The following ADAM18 variants were observed in gnomAD, a reference collection of about 807,000 sequenced individuals.
ADAM18 encodes disintegrin and metalloproteinase domain-containing protein 18.
ADAM18 carries 117 observed loss-of-function variants against 94.4 expected under a neutral mutation model. That is an observed-to-expected ratio of 1.24 (90% CI 1.07 to 1.45). ADAM18 has a LOEUF of 1.45. ADAM18 is among the 40% of genes most tolerant of loss of function. The pLI is 0.00. For synonymous variants in ADAM18, 327 were observed against 291.6 expected, an observed-to-expected ratio of 1.12 and a Z score of -1.24; for missense variants, 936 against 880.0, an observed-to-expected ratio of 1.06 and a Z score of -0.81.
At chr8:39,682,982 T>C (rs1238962374) in intron 16 of ADAM18, among the ~76,000 whole-genome samples, 2 of 152,194 alleles carry the variant, frequency 1.3e-5, no homozygotes, top group African/African-American at 4.8e-5. Context: ...TCACTCCCTT[T>C]ATAATACACA....
chr8:39,706,969 A>G, intron 18 of ADAM18, 65 bp downstream of exon 18: 2 of 886,042 alleles, frequency 2.3e-6, no homozygotes, highest in Non-Finnish European at 3.6e-6. Context: ...AATTAAACAA[A>G]TCTAAGTCAT....
At chr8:39,625,047 A>C (rs1399961818) in intron 6 of ADAM18, among the ~76,000 whole-genome samples, 1 of 152,190 alleles carries the variant, frequency 6.6e-6, no homozygotes, top group African/African-American at 2.4e-5. Context: ...TTCCATGTGA[A>C]TTTTAGGATT....
chr8:39,690,151 A>C (rs1300348967), intron 16 of ADAM18, among the ~76,000 whole-genome samples: 1 of 152,154 alleles, frequency 6.6e-6, no homozygotes, highest in Non-Finnish European at 1.5e-5. Context: ...GTTGGGCTGG[A>C]GTTGCCAAAG....
intron 2 of ADAM18, among the ~76,000 whole-genome samples, chr8:39,586,055 CTGAAAATGTTTCAGGT>C (rs1818384132): frequency 6.6e-6 from 1 of 152,090 alleles, no homozygotes; most frequent in Non-Finnish European, 1.5e-5. Context: ...TATGTCAACT[CTGAAAATGTTTCAGGT>C]TGAAAGAGTG....
At position 39,629,375 on chromosome 8, in the gene ADAM18, T is replaced by TA. The variant is rs748437644; in HGVS notation, c.530dup (p.Asn177LysfsTer22). ...AATCCCGTTGTTGTTGTTTTCCAGA[T>TA]AAAAAATCTTTCAAAACTATTACCC... On this transcript the variant is annotated frameshift_variant and splice_region_variant, in exon 7 of 20. Transcript: ENST00000265707. LOFTEE classifies it high-confidence loss of function. 84 of 1,564,200 alleles carry TA rather than the reference T, an allele frequency of 5.4e-5. No individual in the cohort carries two copies. Among genetic ancestry groups the TA allele is most frequent in the East Asian group, 3.5e-4 (15 of 43,354 alleles).
chr8:39,657,512 T>G (rs1820721524), intron 12 of ADAM18, among the ~76,000 whole-genome samples: 1 of 152,086 alleles, frequency 6.6e-6, no homozygotes, highest in Non-Finnish European at 1.5e-5. Flanking sequence ...GATGAGATTT[T>G]GCTATGTTGC....
chr8:39,720,958 T>G (rs1430637597), intron 18 of ADAM18, among the ~76,000 whole-genome samples: 1 of 151,372 alleles, frequency 6.6e-6, no homozygotes, highest in African/African-American at 2.4e-5. Flanking sequence ...TACCCCAAAT[T>G]TCAAACTACC....
At position 39,660,850 on chromosome 8, in the gene ADAM18, T is replaced by C. The variant is rs991776375; in HGVS notation, c.1231-2945T>C. Among the ~76,000 whole-genome samples the C allele has an allele frequency of 3.9e-5, 6 of 152,212 alleles. No individual in the cohort carries two copies. In the East Asian group the frequency reaches 1.2e-3, roughly 29 times the overall value. On this transcript the variant is annotated intron_variant, in intron 12 of 19. Transcript: ENST00000265707. ...TATAATCTGTGCAATATTAATGCAATATTGTGCAGAAACAGAGTTAACGTA... is the reference window on the plus strand; with the variant it reads ...TATAATCTGTGCAATATTAATGCAACATTGTGCAGAAACAGAGTTAACGTA...
intron 12 of ADAM18, among the ~76,000 whole-genome samples, chr8:39,653,364 A>G (rs1585942843): frequency 6.6e-6 from 1 of 152,196 alleles, no homozygotes; most frequent in South Asian, 2.1e-4. Context: ...AAAGATCTAT[A>G]CAGATATTAA....
At chr8:39,677,307 T>C (rs556971625) in intron 14 of ADAM18, 124 bp from the exon 15 acceptor site, 32 of 742,200 alleles carry the variant, frequency 4.3e-5, no homozygotes, top group Admixed American at 1.0e-4. Flanking sequence ...AGGGTATGCA[T>C]AGAAACAAAA....
chr8:39,703,162 G>A (rs1425252239), intron 17 of ADAM18, among the ~76,000 whole-genome samples: 2 of 152,126 alleles, frequency 1.3e-5, no homozygotes, highest in African/African-American at 2.4e-5. Context: ...ATTTCTTTGA[G>A]CAATGTTTTG....
At chr8:39,669,127 A>T (rs886075229) in intron 14 of ADAM18, among the ~76,000 whole-genome samples, 15 of 151,880 alleles carry the variant, frequency 9.9e-5, no homozygotes, top group African/African-American at 3.6e-4. Context: ...CAGGGTTTAA[A>T]ATATCTCTTA....
At chr8:39,677,389 A>T (rs1343126184) in intron 14 of ADAM18, 42 bp from the exon 15 acceptor site, 1 of 1,455,906 alleles carries the variant, frequency 6.9e-7, no homozygotes. Flanking sequence ...CATTTAACTC[A>T]TATTAAGAAT....
chr8:39,687,392 T>A (rs1187666834), intron 16 of ADAM18, among the ~76,000 whole-genome samples: 2 of 152,168 alleles, frequency 1.3e-5, no homozygotes, highest in South Asian at 2.1e-4. Flanking sequence ...AACTTAAGAG[T>A]TCATCAATTG....
Position 39,609,485 on chromosome 8 carries a change from A to G in ADAM18, c.268A>G (p.Met90Val). The G allele has an allele frequency of 6.2e-7, 1 of 1,609,064 alleles. No individual in the cohort carries two copies. Residue 90 changes from methionine to valine, a missense_variant and splice_region_variant, in exon 5 of 20, where the codon ATG becomes GTG. Met to Val is a conservative substitution (Grantham distance 21, BLOSUM62 1). Coordinates refer to ENST00000265707, the MANE Select transcript of ADAM18 (RefSeq NM_014237.3). ...SLHSVSPYFMMHCHYQGYAAE... is the reference protein window; with the variant it reads ...SLHSVSPYFMVHCHYQGYAAE... ...CTTGCCTTTCTATACTGTTTTTCAG[A>G]TGCATTGCCATTACCAAGGATATGC...
intron 18 of ADAM18, among the ~76,000 whole-genome samples, chr8:39,711,628 C>T (rs1473310902): frequency 1.3e-5 from 2 of 151,894 alleles, no homozygotes. Context: ...AAATTCACTA[C>T]AAGGGTTTAA....
intron 15 of ADAM18, among the ~76,000 whole-genome samples, chr8:39,678,615 A>C (rs1369908073): frequency 6.6e-6 from 1 of 152,310 alleles, no homozygotes; most frequent in East Asian, 1.9e-4. Flanking sequence ...GATCCCAACA[A>C]AGACAGAAGA....
At chr8:39,607,773 C>G (rs561416540) in intron 3 of ADAM18, among the ~76,000 whole-genome samples, 1 of 149,346 alleles carries the variant, frequency 6.7e-6, no homozygotes, top group Non-Finnish European at 1.5e-5. Context: ...TCTCATCTCT[C>G]GAATCTTAGA....
intron 18 of ADAM18, among the ~76,000 whole-genome samples, chr8:39,709,949 TAGAC>T (rs1484765101): frequency 3.9e-5 from 6 of 152,224 alleles, no homozygotes; most frequent in Non-Finnish European, 8.8e-5. Flanking sequence ...TAAGTTTGGA[TAGAC>T]AGAGGTTTAG....
Sources: gnomAD v4.1 joint callset for allele counts (sites outside exome capture counted in the v4.1 genomes callset) on GRCh38, gnomAD v4.1.1 for gene constraint, MANE v1.5 for transcripts, NCBI Gene and HGNC (gene_info 2026-07-23, HGNC 2026-07-21) for gene names.